The following EPN2 variants were observed in gnomAD, a reference collection of about 807,000 sequenced individuals.
EPN2 encodes epsin-2.
Under a neutral mutation model 61.7 loss-of-function variants are expected in EPN2, and 34 were observed. The observed-to-expected ratio is 0.55, with a 90% confidence interval of 0.42 to 0.73. EPN2 has a LOEUF of 0.73. EPN2 is among the 30% of genes least tolerant of loss of function. The pLI is 0.00. For missense variants in EPN2, 714 were observed against 839.2 expected, an observed-to-expected ratio of 0.85 and a Z score of 1.84; for synonymous variants, 349 against 353.6, an observed-to-expected ratio of 0.99 and a Z score of 0.15.
chr17:19,274,446 TCAATTAA>T (rs973456027), intron 1 of EPN2: 5 of 152,160 alleles, frequency 3.3e-5, no homozygotes, highest in Admixed American at 3.3e-4. Context: ...GATGTTCAGG[TCAATTAA>T]TTCACCCGTA....
intron 7 of EPN2, among the ~76,000 whole-genome samples, chr17:19,318,376 C>T (rs1444280410): frequency 6.6e-6 from 1 of 151,426 alleles, no homozygotes; most frequent in Non-Finnish European, 1.5e-5. Flanking sequence ...TGGTGAAACC[C>T]CATCTCTACT....
intron 1 of EPN2, among the ~76,000 whole-genome samples, chr17:19,278,408 G>A (rs1463416848): frequency 6.6e-6 from 1 of 152,138 alleles, no homozygotes; most frequent in Non-Finnish European, 1.5e-5. Flanking sequence ...GGAGGTGAAA[G>A]GCACTTCTTA....
At chr17:19,258,683 G>A (rs1674591236) in intron 1 of EPN2, among the ~76,000 whole-genome samples, 1 of 152,224 alleles carries the variant, frequency 6.6e-6, no homozygotes, top group African/African-American at 2.4e-5. Flanking sequence ...TCTAGCCAGT[G>A]TCTAGTAATT....
At position 19,313,211 on chromosome 17, in the gene EPN2, C is replaced by G; in HGVS notation, c.1079C>G (p.Thr360Ser). ...KAEPWGPSAS[T>S]NQTNPWGGPA... ...GAGCCCTGGGGCCCGTCAGCCTCCA[C>G]TAACCAGACCAACCCCTGGGGCGGG... Residue 360 changes from threonine to serine, a missense_variant, in exon 7 of 11, where the codon ACT becomes AGT. Physicochemically the swap from Thr to Ser is moderately conservative, Grantham distance 58. This residue lies in a region of EPN2 where 410 missense variants were observed against 421.8 expected (regional missense o/e 0.97). Transcript: ENST00000314728. 2.5e-6 allele frequency: 4 copies of G among 1,607,280 alleles called. No homozygotes were observed. Among genetic ancestry groups the G allele is most frequent in the Non-Finnish European group, 3.4e-6 (4 of 1,177,828 alleles).
At chr17:19,308,266 G>T in intron 4 of EPN2, 1 of 683,942 alleles carries the variant, frequency 1.5e-6, no homozygotes, top group Non-Finnish European at 1.8e-6. Flanking sequence ...TAGAGACCGG[G>T]TTTTACCATT....
intron 1 of EPN2, among the ~76,000 whole-genome samples, chr17:19,259,030 T>C (rs146505247): frequency 6.6e-6 from 1 of 152,338 alleles, no homozygotes; most frequent in East Asian, 1.9e-4. Flanking sequence ...CTTTTTTCCA[T>C]TTGGAAGAAA....
intron 4 of EPN2, among the ~76,000 whole-genome samples, chr17:19,286,989 G>A (rs2045411511): frequency 6.6e-6 from 1 of 152,010 alleles, no homozygotes; most frequent in Non-Finnish European, 1.5e-5. Context: ...TTCCCTTTTT[G>A]TTTTTCCCAT....
chr17:19,310,149 A>G (rs1906050599), intron 5 of EPN2, 152 bp downstream of exon 5: 7 of 637,492 alleles, frequency 1.1e-5, no homozygotes, highest in Admixed American at 4.6e-5. Flanking sequence ...GTAAGTGTGT[A>G]TTCTTGTCAC....
chr17:19,289,599 G>C (rs1360054417), intron 4 of EPN2, among the ~76,000 whole-genome samples: 2 of 152,048 alleles, frequency 1.3e-5, no homozygotes, highest in Non-Finnish European at 2.9e-5. Flanking sequence ...AAGTGGAGGT[G>C]TCAAGAAGGT....
intron 1 of EPN2, among the ~76,000 whole-genome samples, chr17:19,239,054 A>G (rs1360284435): frequency 6.6e-6 from 1 of 152,240 alleles, no homozygotes; most frequent in African/African-American, 2.4e-5. Flanking sequence ...AATGAACATC[A>G]AAAGGGACTA....
In EPN2 at chr17:19,336,076, G is replaced by C. The variant is rs1204079125; in HGVS notation, c.*1822G>C. Reference sequence around the variant, plus strand: ...GGTCTCTGGGCTGCTGGGACATGCAGGCTCTGAGTGGGGACTGCACCCACT... The same window carrying C: ...GGTCTCTGGGCTGCTGGGACATGCACGCTCTGAGTGGGGACTGCACCCACT... On this transcript the variant is annotated 3_prime_UTR_variant, in exon 11 of 11. Transcript: ENST00000314728. 1 of 152,308 alleles carries C rather than the reference G, an allele frequency of 6.6e-6. No homozygotes were observed. Among genetic ancestry groups the C allele is most frequent in the Non-Finnish European group, 1.5e-5 (1 of 68,118 alleles). 9.4% of individuals were successfully genotyped at this position (152,308 alleles called of 1,614,324 possible).
intron 4 of EPN2, chr17:19,297,138 A>G (rs537479653): frequency 3.3e-5 from 5 of 152,288 alleles, no homozygotes; most frequent in East Asian, 1.9e-4. Context: ...CCTCATCTTC[A>G]CACTGAACAG....
chr17:19,261,090 T>TG (rs2045136770), intron 1 of EPN2, among the ~76,000 whole-genome samples: 1 of 152,208 alleles, frequency 6.6e-6, no homozygotes, highest in African/African-American at 2.4e-5. Context: ...TTTCCCACAT[T>TG]GCAGTGGTCC....
chr17:19,302,775 T>C (rs1331899644), intron 4 of EPN2, among the ~76,000 whole-genome samples: 1 of 152,194 alleles, frequency 6.6e-6, no homozygotes, highest in African/African-American at 2.4e-5. Context: ...ACTAAACCAG[T>C]GTCTGGTGCC....
At chr17:19,238,409 C>T (rs2044843276) in intron 1 of EPN2, among the ~76,000 whole-genome samples, 1 of 152,210 alleles carries the variant, frequency 6.6e-6, no homozygotes, top group Admixed American at 6.5e-5. Flanking sequence ...TGCCCAGTGG[C>T]TTTCCCTGGG....
At chr17:19,309,323 G>A (rs937710756) in intron 4 of EPN2, among the ~76,000 whole-genome samples, 7 of 152,082 alleles carry the variant, frequency 4.6e-5, no homozygotes, top group Non-Finnish European at 7.4e-5. Context: ...TAGAGATGGC[G>A]TTTCACCATG....
At chr17:19,324,728 A>G (rs1906789802) in intron 7 of EPN2, among the ~76,000 whole-genome samples, 3 of 152,250 alleles carry the variant, frequency 2.0e-5, no homozygotes, top group African/African-American at 7.2e-5. Flanking sequence ...AAAAGATATA[A>G]TGAAGTTAGA....
chr17:19,291,976 C>T (rs1359364212), intron 4 of EPN2, among the ~76,000 whole-genome samples: 1 of 152,150 alleles, frequency 6.6e-6, no homozygotes, highest in Non-Finnish European at 1.5e-5. Flanking sequence ...TGTGCACTTA[C>T]ACCAGACATG....
In EPN2 at chr17:19,285,445, CG is replaced by C. The variant is rs1159667662; in HGVS notation, c.596-174del. On this transcript the variant is annotated intron_variant, in intron 3 of 10. Transcript: ENST00000314728. This position sits in a 1 kb window ranked among gnomAD's most constrained non-coding sequence, Gnocchi z 4.5. ...ATGTTTTTGGTTCCCTCAGACCTTA[CG>C]CTTGAGCTGCATGTTCAGGGTCAGA... Among the ~76,000 whole-genome samples, 6 of 152,266 alleles carry C rather than the reference CG, an allele frequency of 3.9e-5. No homozygotes were observed. The highest frequency in any genetic ancestry group is 9.6e-5 in the African/African-American group (4 of 41,468).
Sources: allele counts gnomAD v4.1 joint callset (sites outside exome capture counted in the v4.1 genomes callset), GRCh38; gene constraint gnomAD v4.1.1; regional missense constraint gnomAD v4.1.1; non-coding constraint Gnocchi (gnomAD v3.1); transcripts MANE v1.5; gene names NCBI Gene and HGNC (gene_info 2026-07-23, HGNC 2026-07-21).